ZNF320: variants seen among roughly 807,000 people sequenced by gnomAD.
ZNF320 encodes zinc finger gene 320.
A neutral mutation model predicts 6.8 loss-of-function variants in ZNF320; 2 were observed. That is an observed-to-expected ratio of 0.29 (90% CI 0.12 to 0.93). The LOEUF (loss-of-function observed/expected upper bound fraction) is 0.93, where lower values mean the gene tolerates loss of function less well. Ranked by LOEUF, ZNF320 falls within the 40% of genes least tolerant of loss-of-function variation. The pLI is 0.55. For synonymous variants in ZNF320, 208 were observed against 203.2 expected (o/e 1.02, Z -0.20); for missense variants, 472 against 611.0 (o/e 0.77, Z 2.40).
At chr19:52,870,262 C>T (rs1600578198) in intron 5 of ZNF320, among the ~76,000 whole-genome samples, 1 of 151,356 alleles carries the variant, frequency 6.6e-6, no homozygotes, top group Non-Finnish European at 1.5e-5. Flanking sequence ...GGATGGATCA[C>T]GAGGTCAGGA....
chr19:52,871,672 A>T (rs1033451306), downstream of ZNF320, among the ~76,000 whole-genome samples: 4 of 152,212 alleles, frequency 2.6e-5, no homozygotes, highest in African/African-American at 9.6e-5. Flanking sequence ...TTGTGAACAC[A>T]TAGCTGCAGG....
downstream of ZNF320, among the ~76,000 whole-genome samples, chr19:52,873,727 A>G (rs1490476845): frequency 6.6e-6 from 1 of 152,160 alleles, no homozygotes; most frequent in Non-Finnish European, 1.5e-5. Flanking sequence ...CACTGACACC[A>G]TGGGGCCCAC....
In ZNF320 at chr19:52,865,646, TTTA is replaced by T. The variant is rs1313331389; in HGVS notation, c.224-1490_224-1488del. ...ATTTATATATGATTATACATATATATTTATATATGATTATACATATATATTATA... is the reference window on the plus strand; with the variant it reads ...ATTTATATATGATTATACATATATATTATATGATTATACATATATATTATA... On this transcript the variant is annotated intron_variant, in intron 5 of 5. Coordinates refer to the ZNF320 transcript ENST00000673631. Among the ~76,000 whole-genome samples the T allele has an allele frequency of 4.2e-4, 54 of 128,568 alleles. 1 individual carries two copies. The highest frequency in any genetic ancestry group is 1.5e-3 in the African/African-American group (49 of 31,816). The allele number at this position is 128,568 out of a possible 152,430, so 84.3% of individuals were successfully genotyped here.
rs895312355 is a variant in ZNF320, at chr19:52,861,899, A to C, written c.*2130T>G. On this transcript the variant is annotated 3_prime_UTR_variant, in exon 6 of 6. Coordinates refer to the ZNF320 transcript ENST00000673631. ...CTAATGACTTGTGAACGTGAAGTAA[A>C]GACTTTGCCATAATTATCACACCTG... 8 of 360,256 alleles carry C rather than the reference A, an allele frequency of 2.2e-5. No homozygotes were observed. The Admixed American group carries it at 2.3e-4, about 10-fold the overall frequency. 22.3% of individuals were successfully genotyped at this position (360,256 alleles called of 1,614,324 possible).
chr19:52,867,902 G>A (rs1338602583), intron 5 of ZNF320, among the ~76,000 whole-genome samples: 5 of 152,044 alleles, frequency 3.3e-5, no homozygotes, highest in Admixed American at 3.3e-4. Flanking sequence ...TTGAGCCACC[G>A]CACCCGGCCA....
chr19:52,902,723 T>G, the ZNF320 span, among the ~76,000 whole-genome samples: 1 of 152,358 alleles, frequency 6.6e-6, no homozygotes, highest in South Asian at 2.1e-4. Context: ...TAAATTTAAT[T>G]TTAATGAAAC....
At chr19:52,867,438 C>T (rs1443981567) in intron 5 of ZNF320, among the ~76,000 whole-genome samples, 1 of 151,348 alleles carries the variant, frequency 6.6e-6, no homozygotes, top group Non-Finnish European at 1.5e-5. Context: ...CCTCATGATC[C>T]ACTTGCCTTG....
chr19:52,900,683 T>G (rs1424330614), upstream of ZNF320, among the ~76,000 whole-genome samples: 1 of 151,440 alleles, frequency 6.6e-6, no homozygotes, highest in Non-Finnish European at 1.5e-5. Flanking sequence ...AGGATCTAGT[T>G]TTTTTTCATC....
chr19:52,900,337 TTCTC>T (rs1209862836), upstream of ZNF320, among the ~76,000 whole-genome samples: 17 of 152,220 alleles, frequency 1.1e-4, no homozygotes, highest in African/African-American at 3.6e-4. Context: ...ATTTTTTTCT[TTCTC>T]TAGCTATGCA....
At chr19:52,867,818 G>A (rs2063604106) in intron 5 of ZNF320, among the ~76,000 whole-genome samples, 1 of 151,878 alleles carries the variant, frequency 6.6e-6, no homozygotes. Context: ...TACCATGTTG[G>A]CCAGGCTGGT....
At chr19:52,859,583 T>A (rs2063474386), downstream of ZNF320, among the ~76,000 whole-genome samples, 1 of 152,186 alleles carries the variant, frequency 6.6e-6, no homozygotes, top group African/African-American at 2.4e-5. Flanking sequence ...TGTTCCCATG[T>A]AGAGATGTTA....
At chr19:52,894,099 A>G (rs551392142) in intron 1 of ZNF320, 1 of 152,286 alleles carries the variant, frequency 6.6e-6, no homozygotes, top group South Asian at 2.1e-4. Context: ...AAACTAGTGA[A>G]GAGGGGTCAG....
intron 5 of ZNF320, among the ~76,000 whole-genome samples, chr19:52,869,549 T>C (rs2063641991): frequency 6.6e-6 from 1 of 152,090 alleles, no homozygotes; most frequent in South Asian, 2.1e-4. Context: ...TTTTTTTTCT[T>C]TTTTTGAGAT....
Position 52,880,253 on chromosome 19 carries a change from C to G in ZNF320, c.*343G>C. The G allele has an allele frequency of 5.5e-6, 1 of 182,290 alleles. No homozygotes were observed. The highest frequency in any genetic ancestry group is 1.5e-4 in the East Asian group (1 of 6,846). The allele number at this position is 182,290 out of a possible 1,614,324, so 11.3% of individuals were successfully genotyped here. A position where few individuals can be genotyped will look rare whatever the true frequency, so the allele number is the denominator to read the frequency against. ...GTCCCAGCTACTCAGGAGACTGAGG[C>G]AGGAGAATTGCATGAACCTGGGAGG... On this transcript the variant is annotated 3_prime_UTR_variant, in exon 6 of 6. Transcript: ENST00000682928.
rs561717051 is a variant in ZNF320 at position 52,877,489 on chromosome 19, A to C, written c.*3107T>G. 1.3e-5 allele frequency: 2 copies of C among 152,344 alleles called. No homozygotes were observed. Among genetic ancestry groups the C allele is most frequent in the South Asian group, 4.1e-4 (2 of 4,830 alleles). The allele number at this position is 152,344 out of a possible 1,614,324, so 9.4% of individuals were successfully genotyped here. On this transcript the variant is annotated 3_prime_UTR_variant, in exon 6 of 6. Coordinates refer to ENST00000682928, the MANE Select transcript of ZNF320 (RefSeq NM_001351774.2). ...CATAAATAGGGCAAGGGAAGCAATC[A>C]GATAGACATTTGACTCAGGTGTGCA...
At position 52,881,603 on chromosome 19, in the gene ZNF320, G is replaced by A; in HGVS notation, c.523C>T (p.His175Tyr). Residue 175 changes from histidine (H) to tyrosine (Y), a missense_variant, in exon 6 of 6, where the codon CAT becomes TAT. His to Tyr is a moderately conservative substitution (Grantham distance 83). Around this residue, in one of 2 missense-constraint regions of ZNF320, gnomAD observed 462 missense variants for 559.7 expected, o/e 0.83. Transcript: ENST00000682928. ...ECEKVFSCKS[H>Y]LEIHRIIHTG... Reference sequence around the variant, plus strand: ...TGAATTATCCTATGTATTTCAAGATGTGATTTGCAACTGAAAACTTTCTCA... The same window carrying A: ...TGAATTATCCTATGTATTTCAAGATATGATTTGCAACTGAAAACTTTCTCA... 6.2e-7 allele frequency: 1 copy of A among 1,613,928 alleles called. No individual in the cohort carries two copies.
Position 52,866,956 on chromosome 19 carries a change from T to G in ZNF320, c.224-2797A>C, listed in dbSNP as rs139940707. Among the ~76,000 whole-genome samples, 798 of 150,884 alleles carry G rather than the reference T, an allele frequency of 5.3e-3. 9 individuals are homozygous for G. The highest frequency in any genetic ancestry group is 0.017 in the African/African-American group (680 of 41,024). ...TGTCACGACTACAGTTAAATAACAG[T>G]CAGGCAATACGGCAATTCTATATAC... is the stretch of plus-strand genomic sequence containing the variant. On this transcript the variant is annotated intron_variant, in intron 5 of 5. Coordinates refer to the ZNF320 transcript ENST00000673631.
intron 5 of ZNF320, among the ~76,000 whole-genome samples, chr19:52,868,122 G>T (rs1399436187): frequency 6.6e-6 from 1 of 152,152 alleles, no homozygotes; most frequent in Non-Finnish European, 1.5e-5. Flanking sequence ...ATTGCTGAAG[G>T]CTGACAACTC....
chr19:52,886,151 T>C (rs1441457527), intron 5 of ZNF320, among the ~76,000 whole-genome samples: 1 of 152,134 alleles, frequency 6.6e-6, no homozygotes, highest in African/African-American at 2.4e-5. Flanking sequence ...TTTTATTTTT[T>C]TGACATGGAG....
Sources: allele counts gnomAD v4.1 joint callset (sites outside exome capture counted in the v4.1 genomes callset), GRCh38; gene constraint gnomAD v4.1.1; regional missense constraint gnomAD v4.1.1; transcripts MANE v1.5; gene names NCBI Gene and HGNC (gene_info 2026-07-23, HGNC 2026-07-21).